The following PLXNA2 variants were observed in gnomAD, a reference collection of about 807,000 sequenced individuals.
PLXNA2 encodes plexin A2.
PLXNA2 carries 91 observed loss-of-function variants against 193.5 expected under a neutral mutation model. The ratio of observed to expected loss-of-function variants is 0.47; its 90% CI spans 0.40 to 0.56. The LOEUF is 0.56. Ranked by LOEUF, PLXNA2 falls within the 20% of genes least tolerant of loss-of-function variation. PLXNA2 has a pLI of 0.00. For missense variants in PLXNA2, 1,995 were observed against 2,503.2 expected (o/e 0.80, Z 4.33); for synonymous variants, 997 against 1,027.3 (o/e 0.97, Z 0.56).
intron 12 of PLXNA2, among the ~76,000 whole-genome samples, chr1:208,067,008 C>T (rs1435589083): frequency 6.6e-6 from 1 of 152,100 alleles, no homozygotes; most frequent in African/African-American, 2.4e-5. Context: ...AGTGTTATTA[C>T]AAAGAGTCAA....
At chr1:208,134,797 A>C (rs1668255235) in intron 4 of PLXNA2, among the ~76,000 whole-genome samples, 1 of 152,162 alleles carries the variant, frequency 6.6e-6, no homozygotes, top group Admixed American at 6.5e-5. Context: ...CAATCAAAAT[A>C]ATAGTCTGAG....
chr1:208,132,279 A>G (rs1247994007), intron 4 of PLXNA2, among the ~76,000 whole-genome samples: 2 of 152,186 alleles, frequency 1.3e-5, no homozygotes, highest in Non-Finnish European at 2.9e-5. Context: ...GGAGCCCAGA[A>G]AGCCGCCTCT....
At chr1:208,122,312 C>A (rs1159029702) in intron 4 of PLXNA2, among the ~76,000 whole-genome samples, 1 of 152,168 alleles carries the variant, frequency 6.6e-6, no homozygotes, top group African/African-American at 2.4e-5. Context: ...AAGGTTCTAT[C>A]ATGCTTTGGA....
At chr1:208,231,731 T>C (rs967985037) in intron 1 of PLXNA2, among the ~76,000 whole-genome samples, 1 of 152,174 alleles carries the variant, frequency 6.6e-6, no homozygotes, top group Non-Finnish European at 1.5e-5. Context: ...GCATCACCAG[T>C]TTACAGGTGA....
intron 3 of PLXNA2, among the ~76,000 whole-genome samples, chr1:208,161,983 G>T (rs1016949544): frequency 6.6e-6 from 1 of 152,240 alleles, no homozygotes; most frequent in Admixed American, 6.5e-5. Context: ...TGGGAGGAGA[G>T]GGGGAGCAGG....
chr1:208,174,785 C>T (rs1442008144), intron 3 of PLXNA2, among the ~76,000 whole-genome samples: 1 of 152,210 alleles, frequency 6.6e-6, no homozygotes, highest in African/African-American at 2.4e-5. Context: ...CTTCTCTCCT[C>T]CTCATGTGTT....
At chr1:208,062,005 A>T (rs1308159796) in intron 12 of PLXNA2, among the ~76,000 whole-genome samples, 1 of 152,218 alleles carries the variant, frequency 6.6e-6, no homozygotes, top group Non-Finnish European at 1.5e-5. Context: ...TTGTATACAC[A>T]GTTGTAAAAA....
intron 10 of PLXNA2, among the ~76,000 whole-genome samples, chr1:208,083,190 G>A (rs921067640): frequency 6.6e-6 from 1 of 152,144 alleles, no homozygotes; most frequent in Non-Finnish European, 1.5e-5. Context: ...TCCGGACACA[G>A]ACCTCATCAG....
At chr1:208,052,252 A>G in intron 15 of PLXNA2, 75 bp downstream of exon 15, 1 of 1,471,474 alleles carries the variant, frequency 6.8e-7, no homozygotes, top group Non-Finnish European at 9.4e-7. Flanking sequence ...CCTATGAATG[A>G]ACATGCACAG....
At chr1:208,118,878 G>A (rs1667722528) in intron 4 of PLXNA2, among the ~76,000 whole-genome samples, 2 of 152,048 alleles carry the variant, frequency 1.3e-5, no homozygotes, top group Admixed American at 1.3e-4. Flanking sequence ...AAATAATTTT[G>A]GAGTCATAAC....
chr1:208,128,043 G>A (rs978729539), intron 4 of PLXNA2, among the ~76,000 whole-genome samples: 1 of 152,192 alleles, frequency 6.6e-6, no homozygotes, highest in Admixed American at 6.5e-5. Context: ...GGAGGGCTGG[G>A]AGAGCTGCGG....
At chr1:208,142,844 A>T (rs1668496307) in intron 3 of PLXNA2, among the ~76,000 whole-genome samples, 1 of 152,244 alleles carries the variant, frequency 6.6e-6, no homozygotes. Context: ...GGGGTGGGAA[A>T]GTCAACATCT....
chr1:208,169,486 A>C (rs763451759), intron 3 of PLXNA2, among the ~76,000 whole-genome samples: 4 of 152,244 alleles, frequency 2.6e-5, no homozygotes, highest in Non-Finnish European at 4.4e-5. Flanking sequence ...TGCTGCACCC[A>C]AAAGTCTATT....
chr1:208,141,381 G>C (rs1430432791), intron 4 of PLXNA2, among the ~76,000 whole-genome samples: 4 of 152,192 alleles, frequency 2.6e-5, no homozygotes, highest in African/African-American at 9.7e-5. Flanking sequence ...CTCTGAGAAT[G>C]ACATGAGCTG....
intron 8 of PLXNA2, among the ~76,000 whole-genome samples, chr1:208,095,544 C>CT (rs1039930809): frequency 1.3e-5 from 2 of 152,142 alleles, no homozygotes; most frequent in Non-Finnish European, 2.9e-5. Context: ...CCATCCAGGT[C>CT]TTTTTATCAT....
At chr1:208,134,304 C>A (rs539350602) in intron 4 of PLXNA2, among the ~76,000 whole-genome samples, 19 of 152,244 alleles carry the variant, frequency 1.2e-4, no homozygotes, top group Middle Eastern at 6.8e-3. Flanking sequence ...TGTTCCTTGA[C>A]ATTTGAAATG....
chr1:208,243,363 G>T (rs1225324256), intron 1 of PLXNA2, among the ~76,000 whole-genome samples: 3 of 152,014 alleles, frequency 2.0e-5, no homozygotes, highest in Non-Finnish European at 1.5e-5. Flanking sequence ...CGCTGCTGCC[G>T]CCCTCAGCCC....
At chr1:208,035,325 C>T (rs778522229) in intron 26 of PLXNA2, among the ~76,000 whole-genome samples, 1 of 152,198 alleles carries the variant, frequency 6.6e-6, no homozygotes, top group Non-Finnish European at 1.5e-5. Context: ...AATTTTATTT[C>T]GAGTCACACT....
At chr1:208,233,284 A>G (rs948909095) in intron 1 of PLXNA2, among the ~76,000 whole-genome samples, 1 of 152,222 alleles carries the variant, frequency 6.6e-6, no homozygotes, top group Admixed American at 6.5e-5. Flanking sequence ...CGTTCAGTCA[A>G]ATGAAATTAT....
Sources: gnomAD v4.1 joint callset for allele counts (sites outside exome capture counted in the v4.1 genomes callset) on GRCh38, gnomAD v4.1.1 for gene constraint, MANE v1.5 for transcripts, NCBI Gene and HGNC (gene_info 2026-07-23, HGNC 2026-07-21) for gene names.